Variants in ROR1 observed in about 807,000 individuals in gnomAD.
The protein encoded by ROR1 is ROR family WNT receptor 1, also known as inactive tyrosine-protein kinase transmembrane receptor ROR1.
ROR1 carries 19 observed loss-of-function variants against 78.8 expected under a neutral mutation model. The observed-to-expected ratio is 0.24, with a 90% CI of 0.17 to 0.35. The LOEUF (loss-of-function observed/expected upper bound fraction) is 0.35. Ranked by LOEUF, ROR1 falls within the 10% of genes least tolerant of loss-of-function variation. The pLI is 1.00. For missense variants in ROR1, 917 were observed against 1,177.8 expected (o/e 0.78, Z 3.24); for synonymous variants, 386 against 433.6 (o/e 0.89, Z 1.36).
chr1:64,068,505 A>G (rs1175883198), intron 4 of ROR1, among the ~76,000 whole-genome samples: 1 of 152,198 alleles, frequency 6.6e-6, no homozygotes, highest in Non-Finnish European at 1.5e-5. Context: ...ATTTTTTTCA[A>G]CATCTCTGCA....
At chr1:64,027,479 C>G (rs186553129) in intron 2 of ROR1, among the ~76,000 whole-genome samples, 134 of 152,244 alleles carry the variant, frequency 8.8e-4, no homozygotes, top group African/African-American at 3.2e-3. Flanking sequence ...CTGTGAGTTT[C>G]TTGCGGTTTT....
intron 1 of ROR1, among the ~76,000 whole-genome samples, chr1:63,860,440 G>A (rs892428991): frequency 6.6e-6 from 1 of 152,012 alleles, no homozygotes; most frequent in Non-Finnish European, 1.5e-5. Context: ...AAGAATGGAG[G>A]CTGGGCGCAG....
At chr1:63,931,215 G>A (rs1180985026) in intron 1 of ROR1, among the ~76,000 whole-genome samples, 1 of 152,220 alleles carries the variant, frequency 6.6e-6, no homozygotes, top group African/African-American at 2.4e-5. Flanking sequence ...CTGGGAGGCG[G>A]AGGTTGCAGT....
chr1:63,919,445 C>G (rs919998770), intron 1 of ROR1, among the ~76,000 whole-genome samples: 2 of 149,656 alleles, frequency 1.3e-5, no homozygotes, highest in Admixed American at 1.3e-4. Context: ...GCTGAATTCC[C>G]CTAAAGGTAG....
At chr1:63,775,885 C>T (rs569410396) in intron 1 of ROR1, among the ~76,000 whole-genome samples, 46 of 152,314 alleles carry the variant, frequency 3.0e-4, no homozygotes, top group Non-Finnish European at 2.9e-5. Flanking sequence ...TTAAGATGTG[C>T]ATCAGCAGGG....
chr1:64,137,491 T>C lies in ROR1; in HGVS notation c.605T>C (p.Ile202Thr). The change falls in exon 5 of 9, where the codon ATC (isoleucine) becomes ACC (threonine). Residue 202 changes from isoleucine (I) to threonine (T), a missense_variant. Physicochemically the swap from Ile to Thr is moderately conservative, Grantham distance 89. Coordinates refer to ENST00000371079, the MANE Select transcript of ROR1 (RefSeq NM_005012.4). ...LHMQGEIENQ[I>T]TAAFTMIGTS... ...ATGCAAGGGGAAATAGAAAATCAGATCACAGGTAGGTAGCACCAATGAAAT... is the reference window on the plus strand; with the variant it reads ...ATGCAAGGGGAAATAGAAAATCAGACCACAGGTAGGTAGCACCAATGAAAT... 1 of 1,612,938 alleles carries C rather than the reference T, an allele frequency of 6.2e-7. No homozygotes were observed. The highest frequency in any genetic ancestry group is 8.5e-7 in the Non-Finnish European group (1 of 1,179,468).
At chr1:64,009,983 C>T (rs932558691) in intron 2 of ROR1, among the ~76,000 whole-genome samples, 21 of 152,186 alleles carry the variant, frequency 1.4e-4, no homozygotes, top group African/African-American at 3.9e-4. Flanking sequence ...CAGTCTGGCT[C>T]AATCTACCTT....
chr1:63,812,863 CCAGAGAGGCTGAGTTACTTGCTG>C (rs1391982594), intron 1 of ROR1, among the ~76,000 whole-genome samples: 1 of 152,086 alleles, frequency 6.6e-6, no homozygotes, highest in African/African-American at 2.4e-5. Context: ...AGAGCTGAGT[CCAGAGAGGCTGAGTTACTTGCTG>C]AGGTCACAGA....
chr1:64,147,325 A>G (rs11208368), intron 7 of ROR1, among the ~76,000 whole-genome samples: 25,442 of 152,160 alleles, frequency 0.17, 2,340 homozygotes, highest in Non-Finnish European at 0.2. Flanking sequence ...TGAAAGTTAA[A>G]TATAGAGATG....
intron 1 of ROR1, among the ~76,000 whole-genome samples, chr1:63,847,932 C>T (rs1645091623): frequency 6.6e-6 from 1 of 152,118 alleles, no homozygotes; most frequent in African/African-American, 2.4e-5. Flanking sequence ...TGTGAGGTGG[C>T]TAAGTGACAT....
chr1:64,042,113 A>G (rs1437433393), intron 2 of ROR1, among the ~76,000 whole-genome samples: 2 of 152,138 alleles, frequency 1.3e-5, no homozygotes, highest in African/African-American at 4.8e-5. Flanking sequence ...GCCAGGCAAG[A>G]ATCAGGGGTC....
At chr1:64,046,847 G>A (rs1001936369) in intron 2 of ROR1, among the ~76,000 whole-genome samples, 5 of 152,190 alleles carry the variant, frequency 3.3e-5, no homozygotes, top group Non-Finnish European at 7.3e-5. Flanking sequence ...CAAGGCCTCC[G>A]GCAAGTCACT....
intron 1 of ROR1, among the ~76,000 whole-genome samples, chr1:63,880,035 G>A (rs1317651170): frequency 1.3e-5 from 2 of 152,016 alleles, no homozygotes; most frequent in Non-Finnish European, 2.9e-5. Flanking sequence ...CAGGCTACTG[G>A]GTGTGAGTTC....
intron 1 of ROR1, among the ~76,000 whole-genome samples, chr1:64,007,685 ATAC>A (rs1200822015): frequency 6.6e-6 from 1 of 152,152 alleles, no homozygotes; most frequent in Non-Finnish European, 1.5e-5. Context: ...CTATATTCAA[ATAC>A]TTAGCTTTCA....
intron 1 of ROR1, among the ~76,000 whole-genome samples, chr1:63,886,598 C>CACTT (rs1645358926): frequency 6.6e-6 from 1 of 152,178 alleles, no homozygotes. Flanking sequence ...CAGTTCCTGG[C>CACTT]ACTTACTAAC....
chr1:64,050,073 T>A (rs1351058789), intron 3 of ROR1, 95 bp downstream of exon 3: 2 of 1,349,490 alleles, frequency 1.5e-6, no homozygotes, highest in African/African-American at 2.9e-5. Context: ...GAATGCACAC[T>A]TAGTGAGAAT....
At position 63,982,129 on chromosome 1, in the gene ROR1, T is replaced by C. The variant is rs141804805; in HGVS notation, c.92-27176T>C. 2.2e-4 allele frequency among the ~76,000 whole-genome samples: 33 copies of C among 152,256 alleles called. 1 individual carries two copies. Among genetic ancestry groups the C allele is most frequent in the Middle Eastern group, 6.8e-3 (2 of 294 alleles). On this transcript the variant is annotated intron_variant, in intron 1 of 8. Coordinates refer to ENST00000371079, the MANE Select transcript of ROR1 (RefSeq NM_005012.4). ...GAACCTTACAAATTATTATCCCCAA[T>C]TGGCAGATGAAGAAACTGAAGCTTG...
rs181379758 is a variant in ROR1, at chr1:64,098,329, G to A, written c.483-39040G>A. On this transcript the variant is annotated intron_variant, in intron 4 of 8. Coordinates refer to ENST00000371079, the MANE Select transcript of ROR1 (RefSeq NM_005012.4). ...CTCTGAAATGGGGAAGAAGGGGCCC[G>A]GGCTGTGCAGTTCAGGTACCACAAG... is the stretch of plus-strand genomic sequence containing the variant. Among the ~76,000 whole-genome samples the A allele has an allele frequency of 3.9e-3, 592 of 152,192 alleles. 9 individuals are homozygous for A. Among genetic ancestry groups the A allele is most frequent in the Admixed American group, 0.03 (458 of 15,280 alleles).
chr1:63,866,684 A>G (rs1055576114), intron 1 of ROR1, among the ~76,000 whole-genome samples: 5 of 152,002 alleles, frequency 3.3e-5, no homozygotes, highest in African/African-American at 1.2e-4. Flanking sequence ...AGTATCTTTC[A>G]TTAGATATAG....
Sources: gnomAD v4.1 joint callset for allele counts (sites outside exome capture counted in the v4.1 genomes callset) on GRCh38, gnomAD v4.1.1 for gene constraint, MANE v1.5 for transcripts, NCBI Gene and HGNC (gene_info 2026-07-23, HGNC 2026-07-21) for gene names.